Variants in DOP1A observed in about 807,000 individuals in gnomAD.
DOP1A encodes protein DOP1A.
Under a neutral mutation model 267.6 loss-of-function variants are expected in DOP1A, and 90 were observed. That is an observed-to-expected ratio of 0.34 (90% CI 0.28 to 0.40). DOP1A has a LOEUF of 0.40. Among genes scored for constraint, DOP1A ranks in the 10% least tolerant of loss-of-function variants. The pLI is 1.00. For synonymous variants in DOP1A, 932 were observed against 999.1 expected, an observed-to-expected ratio of 0.93 and a Z score of 1.27; for missense variants, 2,437 against 2,900.4, an observed-to-expected ratio of 0.84 and a Z score of 3.67.
At position 83,137,592 on chromosome 6, in the gene DOP1A, T is replaced by A; in HGVS notation, c.3550T>A (p.Cys1184Ser). The A allele has an allele frequency of 1.2e-6, 2 of 1,613,834 alleles. No individual in the cohort carries two copies. Among genetic ancestry groups the A allele is most frequent in the Non-Finnish European group, 1.7e-6 (2 of 1,179,848 alleles). ...QLEIEAMPPK[C>S]SDIDPDEETI... is the part of the protein sequence containing the mutation. ...AGAAATTGAAGCTATGCCCCCAAAG[T>A]GCAGTGATATAGATCCAGATGAAGA... The change falls in exon 21 of 39, where the codon TGC becomes AGC. Residue 1184 changes from cysteine to serine, a missense_variant. By Grantham distance (112) the Cys-to-Ser change is moderately radical (BLOSUM62 -1). Transcript: ENST00000349129.
chr6:83,135,746 C>G lies in DOP1A; in HGVS notation c.2998C>G (p.Leu1000Val), dbSNP rs1306028363. Reference protein sequence around the residue: ...IARVLEPLLLLLLHPKTQRVS... With the variant: ...IARVLEPLLLVLLHPKTQRVS... Reference sequence around the variant, plus strand: ...ACGAGTTTTGGAACCATTGCTATTGCTCCTGCTTCATCCAAAAACTCAGAG... The same window carrying G: ...ACGAGTTTTGGAACCATTGCTATTGGTCCTGCTTCATCCAAAAACTCAGAG... Residue 1000 changes from leucine to valine, a missense_variant, in exon 20 of 39, where the codon CTC (leucine) becomes GTC (valine). Physicochemically the swap from Leu to Val is conservative, Grantham distance 32. Transcript: ENST00000349129. The G allele has an allele frequency of 1.2e-6, 2 of 1,613,602 alleles. No individual in the cohort carries two copies. The highest frequency in any genetic ancestry group is 3.3e-5 in the Admixed American group (2 of 59,982).
intron 30 of DOP1A, 110 bp from the exon 31 acceptor site, chr6:83,153,401 A>T (rs1428275600): frequency 2.5e-5 from 15 of 596,054 alleles, no homozygotes; most frequent in Non-Finnish European, 3.5e-5. Context: ...TTAATTTTAG[A>T]TTTTTCTAAT....
At chr6:83,145,729 T>G (rs1295015526) in intron 25 of DOP1A, 71 bp downstream of exon 25, 9 of 1,461,028 alleles carry the variant, frequency 6.2e-6, no homozygotes, top group South Asian at 1.3e-5. Context: ...GATTTTTTTT[T>G]GTACAATAAT....
intron 1 of DOP1A, among the ~76,000 whole-genome samples, chr6:83,072,195 T>C (rs2127969037): frequency 6.6e-6 from 1 of 152,328 alleles, no homozygotes; most frequent in South Asian, 2.1e-4. Flanking sequence ...TATTTAAAGT[T>C]GCTGGAGTTA....
At chr6:83,070,276 T>A (rs1025128822) in intron 1 of DOP1A, among the ~76,000 whole-genome samples, 25 of 152,308 alleles carry the variant, frequency 1.6e-4, no homozygotes, top group African/African-American at 5.8e-4. Context: ...TTTTGTGTAA[T>A]AGTTAACAGT....
chr6:83,110,071 T>C, intron 5 of DOP1A, 54 bp from the exon 6 acceptor site: 1 of 1,483,092 alleles, frequency 6.7e-7, no homozygotes, highest in Non-Finnish European at 9.0e-7. Flanking sequence ...GATTTATTTT[T>C]TAAAATATGA....
chr6:83,078,507 A>G (rs918416441), intron 1 of DOP1A, among the ~76,000 whole-genome samples: 1 of 152,232 alleles, frequency 6.6e-6, no homozygotes, highest in Non-Finnish European at 1.5e-5. Context: ...TGAAAAATGC[A>G]CATTTGTAGA....
intron 7 of DOP1A, among the ~76,000 whole-genome samples, chr6:83,114,276 T>C (rs1269278132): frequency 6.6e-6 from 1 of 152,178 alleles, no homozygotes; most frequent in Non-Finnish European, 1.5e-5. Flanking sequence ...CTTTGACTAA[T>C]TGGAACATAA....
At position 83,132,266 on chromosome 6, in the gene DOP1A, T is replaced by A. The variant is rs1200688459; in HGVS notation, c.2707T>A (p.Leu903Ile). 1.2e-5 allele frequency: 19 copies of A among 1,613,666 alleles called. No homozygotes were observed. Among genetic ancestry groups the A allele is most frequent in the Non-Finnish European group, 1.6e-5 (19 of 1,179,798 alleles). ...SVELFYQLHN[L>I]VPSSSICEDV... ...GGAACTATTTTATCAATTACATAACTTAGTTCCTTCTTCTAGCATCTGTGA... is the reference window on the plus strand; with the variant it reads ...GGAACTATTTTATCAATTACATAACATAGTTCCTTCTTCTAGCATCTGTGA... The change falls in exon 18 of 39, where the codon TTA becomes ATA. Residue 903 changes from leucine (L) to isoleucine (I), a missense_variant. Leu to Ile is a conservative substitution (Grantham distance 5). Coordinates refer to ENST00000349129, the MANE Select transcript of DOP1A (RefSeq NM_015018.4).
chr6:83,116,957 A>G (rs1775537320), intron 7 of DOP1A, among the ~76,000 whole-genome samples: 1 of 152,158 alleles, frequency 6.6e-6, no homozygotes, highest in Non-Finnish European at 1.5e-5. Context: ...ATGACTACAA[A>G]ATGTCCAGGC....
At chr6:83,141,023 A>C (rs958198251) in intron 23 of DOP1A, among the ~76,000 whole-genome samples, 1 of 152,190 alleles carries the variant, frequency 6.6e-6, no homozygotes, top group African/African-American at 2.4e-5. Flanking sequence ...GAAATTATAC[A>C]AAGATGTATA....
intron 18 of DOP1A, among the ~76,000 whole-genome samples, 184 bp from the exon 19 acceptor site, chr6:83,134,003 T>C (rs192783348): frequency 4.8e-4 from 73 of 152,250 alleles, no homozygotes; most frequent in Admixed American, 4.5e-3. Context: ...TTTCTGTATA[T>C]ATTTACATAT....
intron 1 of DOP1A, among the ~76,000 whole-genome samples, chr6:83,074,247 G>T (rs1047580143): frequency 2.0e-5 from 3 of 151,840 alleles, no homozygotes; most frequent in Non-Finnish European, 2.9e-5. Flanking sequence ...TTGGGAGGGG[G>T]GTATGATTCT....
At chr6:83,161,364 A>C (rs1248392970) in intron 37 of DOP1A, 1 of 152,216 alleles carries the variant, frequency 6.6e-6, no homozygotes, top group Non-Finnish European at 1.5e-5. Flanking sequence ...AAAGAGTAAT[A>C]TCTTAGCATG....
At chr6:83,076,476 A>G (rs1246540554) in intron 1 of DOP1A, among the ~76,000 whole-genome samples, 1 of 152,118 alleles carries the variant, frequency 6.6e-6, no homozygotes, top group Non-Finnish European at 1.5e-5. Context: ...GCACCACTGC[A>G]CTCCCGCCTG....
At chr6:83,157,129 T>C (rs1259830017) in intron 34 of DOP1A, 53 bp from the exon 35 acceptor site, 3 of 1,578,822 alleles carry the variant, frequency 1.9e-6, no homozygotes, top group Admixed American at 1.9e-5. Context: ...ATATAGAAAG[T>C]TTTATGTGAT....
chr6:83,125,425 A>T, intron 14 of DOP1A, 75 bp from the exon 15 acceptor site: 1 of 1,354,340 alleles, frequency 7.4e-7, no homozygotes, highest in African/African-American at 1.5e-5. Context: ...ATCATTGCCT[A>T]TTTATATAGA....
At chr6:83,125,789 C>A in intron 15 of DOP1A, 56 bp downstream of exon 15, 2 of 1,414,764 alleles carry the variant, frequency 1.4e-6, no homozygotes, top group South Asian at 1.3e-5. Context: ...CAAAGCAGAA[C>A]AGTTACTTAG....
chr6:83,145,670 CTCT>C lies in DOP1A; in HGVS notation c.5676+18_5676+20del, dbSNP rs757859601. 6.2e-7 allele frequency: 1 copy of C among 1,607,860 alleles called. No individual in the cohort carries two copies. Among genetic ancestry groups the C allele is most frequent in the South Asian group, 1.1e-5 (1 of 89,688 alleles). Reference sequence around the variant, plus strand: ...TAGCCAAGGACAAGGTAAGAAAAAACTCTTCTTCACATGTGTTTACAATTCTGT... The same window carrying C: ...TAGCCAAGGACAAGGTAAGAAAAAACTCTTCACATGTGTTTACAATTCTGT... On this transcript the variant is annotated intron_variant, in intron 25 of 38. Coordinates refer to ENST00000349129, the MANE Select transcript of DOP1A (RefSeq NM_015018.4).
Sources: gnomAD v4.1 joint callset for allele counts (sites outside exome capture counted in the v4.1 genomes callset) on GRCh38, gnomAD v4.1.1 for gene constraint, MANE v1.5 for transcripts, NCBI Gene and HGNC (gene_info 2026-07-23, HGNC 2026-07-21) for gene names.